FRMD4A: variants seen among roughly 807,000 people sequenced by gnomAD.
The protein encoded by FRMD4A is FERM domain-containing protein 4A.
A neutral mutation model predicts 129.1 loss-of-function variants in FRMD4A; 29 were observed. The observed-to-expected ratio is 0.22, with a 90% CI of 0.17 to 0.31. The LOEUF (loss-of-function observed/expected upper bound fraction) is 0.31. Among genes scored for constraint, FRMD4A ranks in the 10% least tolerant of loss-of-function variants. The pLI is 1.00. For missense variants in FRMD4A, 1,272 were observed against 1,375.8 expected (o/e 0.92, Z 1.19); for synonymous variants, 634 against 571.6 (o/e 1.11, Z -1.56).
At chr10:13,944,727 C>G (rs533662322) in intron 2 of FRMD4A, among the ~76,000 whole-genome samples, 1 of 152,276 alleles carries the variant, frequency 6.6e-6, no homozygotes, top group South Asian at 2.1e-4. Context: ...ACTAATGCTG[C>G]CTCATTTGCT....
At chr10:13,954,551 T>C (rs1386009257) in intron 2 of FRMD4A, among the ~76,000 whole-genome samples, 1 of 152,030 alleles carries the variant, frequency 6.6e-6, no homozygotes, top group Non-Finnish European at 1.5e-5. Flanking sequence ...GAGATTTGGG[T>C]GGGGACACAG....
intron 12 of FRMD4A, among the ~76,000 whole-genome samples, chr10:13,718,048 G>GCAGCTTGTTTGCACTTTGGT (rs1365533179): frequency 6.6e-6 from 1 of 152,238 alleles, no homozygotes; most frequent in Non-Finnish European, 1.5e-5. Flanking sequence ...TTATTTAACA[G>GCAGCTTGTTTGCACTTTGGT]CAGCTTGTTT....
intron 2 of FRMD4A, among the ~76,000 whole-genome samples, chr10:14,095,007 T>C (rs1836874598): frequency 6.6e-6 from 1 of 152,010 alleles, no homozygotes; most frequent in African/African-American, 2.4e-5. Context: ...TATGCATGGA[T>C]GTATATCTGT....
chr10:14,186,086 G>GTTT (rs1250671719), intron 2 of FRMD4A, among the ~76,000 whole-genome samples: 1 of 148,638 alleles, frequency 6.7e-6, no homozygotes, highest in African/African-American at 2.5e-5. Flanking sequence ...CGTCCAAAGA[G>GTTT]ACAAAGACAC....
At chr10:13,800,672 C>G (rs1258741479) in intron 4 of FRMD4A, among the ~76,000 whole-genome samples, 1 of 152,210 alleles carries the variant, frequency 6.6e-6, no homozygotes, top group Non-Finnish European at 1.5e-5. Context: ...CCCTGGGGGT[C>G]ACCATTCACA....
At chr10:13,848,669 G>A (rs1236670574) in intron 3 of FRMD4A, among the ~76,000 whole-genome samples, 2 of 151,040 alleles carry the variant, frequency 1.3e-5, no homozygotes, top group South Asian at 2.1e-4. Context: ...CTAGATGATC[G>A]CATCAATCTG....
chr10:13,850,115 T>A (rs977036858), intron 3 of FRMD4A, among the ~76,000 whole-genome samples: 1 of 151,822 alleles, frequency 6.6e-6, no homozygotes. Context: ...GCAGGAGAAT[T>A]GCTTGAACCC....
Position 13,657,473 on chromosome 10 carries a change from T to G in FRMD4A, c.2116A>C (p.Arg706=), listed in dbSNP as rs1326389803. ...GACTCCAGGCTGGAGCTCCGGTGCC[T>G]AAAGTGCAGTGCGAGGCTGTGCAGT... The part of the protein sequence containing the change: ...TRLHSLALHF[R]HRSSSLESQG... Residue 706 remains arginine (R), a synonymous_variant, in exon 22 of 25, where the codon AGG becomes CGG. Transcript: ENST00000357447. 1.2e-6 allele frequency: 2 copies of G among 1,610,148 alleles called. No individual in the cohort carries two copies. Among genetic ancestry groups the G allele is most frequent in the African/African-American group, 2.7e-5 (2 of 74,718 alleles).
intron 14 of FRMD4A, among the ~76,000 whole-genome samples, chr10:13,695,446 A>G (rs910290136): frequency 2.0e-5 from 3 of 152,180 alleles, no homozygotes; most frequent in African/African-American, 7.2e-5. Flanking sequence ...TGGCTAAAGC[A>G]GTGGTTTTTA....
chr10:13,764,989 A>T (rs2092228907), intron 6 of FRMD4A, among the ~76,000 whole-genome samples: 1 of 152,210 alleles, frequency 6.6e-6, no homozygotes, highest in African/African-American at 2.4e-5. Context: ...ACCCAAATCA[A>T]TAGAGAATCA....
chr10:13,953,479 A>C (rs1254279344), intron 2 of FRMD4A, among the ~76,000 whole-genome samples: 1 of 152,186 alleles, frequency 6.6e-6, no homozygotes, highest in Non-Finnish European at 1.5e-5. Flanking sequence ...ATTGCATGTC[A>C]TTCTGAATAG....
At chr10:14,078,074 G>A (rs984915307) in intron 2 of FRMD4A, among the ~76,000 whole-genome samples, 2 of 152,172 alleles carry the variant, frequency 1.3e-5, no homozygotes, top group African/African-American at 4.8e-5. Flanking sequence ...AATAATTAAT[G>A]ACCCTGTTAT....
At chr10:14,205,936 C>T (rs981192841) in intron 2 of FRMD4A, among the ~76,000 whole-genome samples, 6 of 152,038 alleles carry the variant, frequency 3.9e-5, no homozygotes, top group South Asian at 4.1e-4. Flanking sequence ...GTCCCCTTCT[C>T]GTCGTGGTAT....
At chr10:14,130,069 T>C (rs1352393215) in intron 2 of FRMD4A, among the ~76,000 whole-genome samples, 2 of 152,076 alleles carry the variant, frequency 1.3e-5, no homozygotes, top group African/African-American at 4.8e-5. Flanking sequence ...CCTGCTTTGC[T>C]CTCCAGCCCA....
At chr10:13,684,971 A>G (rs2134779955) in intron 15 of FRMD4A, 20 of 984,340 alleles carry the variant, frequency 2.0e-5, no homozygotes, top group Non-Finnish European at 2.4e-5. Context: ...ATATGAGGAA[A>G]AGGTTAGAAT....
intron 2 of FRMD4A, among the ~76,000 whole-genome samples, chr10:13,977,783 G>A (rs1461029249): frequency 2.0e-5 from 3 of 152,098 alleles, no homozygotes; most frequent in Admixed American, 6.5e-5. Context: ...TTCACTTAGC[G>A]TAATGTTTTC....
intron 2 of FRMD4A, among the ~76,000 whole-genome samples, chr10:14,112,868 A>C (rs1357264904): frequency 6.6e-6 from 1 of 152,158 alleles, no homozygotes; most frequent in African/African-American, 2.4e-5. Flanking sequence ...AAAGGAAACT[A>C]TGCTTCCAAC....
intron 2 of FRMD4A, among the ~76,000 whole-genome samples, chr10:14,066,809 G>A (rs1460288441): frequency 2.0e-5 from 3 of 152,114 alleles, no homozygotes; most frequent in Admixed American, 6.6e-5. Flanking sequence ...GAGAAATTGA[G>A]GGGAAAATGA....
At chr10:13,980,859 G>A (rs189343402) in intron 2 of FRMD4A, among the ~76,000 whole-genome samples, 13 of 152,272 alleles carry the variant, frequency 8.5e-5, no homozygotes, top group Admixed American at 8.5e-4. Flanking sequence ...ACAAAAAGCT[G>A]CCATGAATGA....
Sources: gnomAD v4.1 joint callset for allele counts (sites outside exome capture counted in the v4.1 genomes callset) on GRCh38, gnomAD v4.1.1 for gene constraint, MANE v1.5 for transcripts, NCBI Gene and HGNC (gene_info 2026-07-23, HGNC 2026-07-21) for gene names.